The following ZBP1 variants were observed in gnomAD, a reference collection of about 807,000 sequenced individuals.
The protein encoded by ZBP1 is Z-DNA-binding protein 1.
A neutral mutation model predicts 41.1 loss-of-function variants in ZBP1; 42 were observed. The observed-to-expected ratio is 1.02, with a 90% CI of 0.80 to 1.32. The LOEUF (loss-of-function observed/expected upper bound fraction) is 1.32, where lower values mean the gene tolerates loss of function less well. ZBP1 is among the 40% of genes most tolerant of loss of function. The pLI, the probability that ZBP1 is intolerant of heterozygous loss-of-function variation, is 0.00. For missense variants in ZBP1, 562 were observed against 549.7 expected (o/e 1.02, Z -0.22); for synonymous variants, 214 against 205.2 (o/e 1.04, Z -0.37).
chr20:57,613,264 C>A lies in ZBP1; in HGVS notation c.569G>T (p.Cys190Phe), dbSNP rs2070725728. 1.2e-6 allele frequency: 2 copies of A among 1,614,252 alleles called. No homozygotes were observed. The highest frequency in any genetic ancestry group is 1.7e-6 in the Non-Finnish European group (2 of 1,180,050). The change falls in exon 5 of 8, where the codon TGC becomes TTC. Residue 190 changes from cysteine to phenylalanine, a missense_variant. By Grantham distance (205) the Cys-to-Phe change is radical. Coordinates refer to ENST00000371173, the MANE Select transcript of ZBP1 (RefSeq NM_030776.3). The surrounding 1 kb of genome is among the most constrained non-coding windows in gnomAD (Gnocchi z 4.5). ...IYQHNPINMI[C>F]QNGPNSWISI... ...AATCCAGCTGTTGGGTCCATTCTGG[C>A]AGATCATGTTGATTGGATTGTGCTG...
rs141295310 is a variant in ZBP1, at chr20:57,604,767, G to A, written c.1096C>T (p.Arg366Cys). 1.9e-5 allele frequency: 30 copies of A among 1,612,148 alleles called. No individual in the cohort carries two copies. The African/African-American group carries it at 2.8e-4, about 15-fold the overall frequency. ...CTGGATTGTGTGTCTGCGGGACGAC[G>A]ACCTAGGGAAGAGAAGATGGGGGAT... ...GEGEPGEDAG[R>C]RPADTQSRSH... is the part of the protein sequence containing the mutation. Residue 366 changes from arginine (R) to cysteine (C), a missense_variant and splice_region_variant, in exon 8 of 8, where the codon CGT (arginine) becomes TGT (cysteine). Coordinates refer to ENST00000371173, the MANE Select transcript of ZBP1 (RefSeq NM_030776.3).
intron 2 of ZBP1, 184 bp from the exon 3 acceptor site, chr20:57,615,764 G>A (rs2070807357): frequency 1.2e-5 from 7 of 569,066 alleles, no homozygotes; most frequent in Non-Finnish European, 1.8e-5. Context: ...GCTTCCTGCC[G>A]ATTAACTTCT....
In ZBP1 at chr20:57,610,069, G is replaced by A. The variant is rs545194955; in HGVS notation, c.1093+80C>T. The A allele has an allele frequency of 7.7e-5, 110 of 1,434,996 alleles. 1 individual carries two copies. The highest frequency in any genetic ancestry group is 6.6e-4 in the African/African-American group (47 of 71,078). The allele number at this position is 1,434,996 out of a possible 1,614,324, so 88.9% of individuals were successfully genotyped here. A position where few individuals can be genotyped will look rare whatever the true frequency, so the allele number is the denominator to read the frequency against. ...GGAAACCAGAGATTAGCGAATGATC[G>A]ATGAGAGTGAATGAATGAATGAGTG... On this transcript the variant is annotated intron_variant, in intron 7 of 7. Coordinates refer to ENST00000371173, the MANE Select transcript of ZBP1 (RefSeq NM_030776.3). The surrounding 1 kb of genome is among the most constrained non-coding windows in gnomAD (Gnocchi z 5.5).
At chr20:57,614,179 C>T (rs1198329110) in intron 4 of ZBP1, among the ~76,000 whole-genome samples, 7 of 151,996 alleles carry the variant, frequency 4.6e-5, no homozygotes, top group Admixed American at 3.9e-4. Flanking sequence ...GGATTACAGG[C>T]GCCCACCACC....
intron 7 of ZBP1, among the ~76,000 whole-genome samples, chr20:57,605,032 C>G (rs528159989): frequency 3.5e-4 from 53 of 152,250 alleles, no homozygotes; most frequent in Non-Finnish European, 6.5e-4. Context: ...CAGGGCTCTC[C>G]CAGTCCTCCC....
In ZBP1 at chr20:57,610,612, G is replaced by A. The variant is rs553145012; in HGVS notation, c.875-245C>T. The A allele has an allele frequency of 4.6e-5, 26 of 571,394 alleles. No homozygotes were observed. Among genetic ancestry groups the A allele is most frequent in the South Asian group, 1.2e-4 (6 of 48,748 alleles). 35.4% of individuals were successfully genotyped at this position (571,394 alleles called of 1,614,324 possible). A position where few individuals can be genotyped will look rare whatever the true frequency, so the allele number is the denominator to read the frequency against. On this transcript the variant is annotated intron_variant, in intron 6 of 7. Coordinates refer to ENST00000371173, the MANE Select transcript of ZBP1 (RefSeq NM_030776.3). The surrounding 1 kb of genome is among the most constrained non-coding windows in gnomAD (Gnocchi z 5.5). ...GCAGTGGGTCTGCCCCACTGATCCC[G>A]CCCGGCTGATCTGGACGTCAGTGTC...
At position 57,610,430 on chromosome 20, in the gene ZBP1, A is replaced by G; in HGVS notation, c.875-63T>C. On this transcript the variant is annotated intron_variant, in intron 6 of 7. Transcript: ENST00000371173. The surrounding 1 kb of genome is among the most constrained non-coding windows in gnomAD (Gnocchi z 5.5). ...AGCTGGACAGTGGCCGGGAACCCTG[A>G]CCCCCAGCCTGGTTCACCCTCCTCC... The G allele has an allele frequency of 6.5e-7, 1 of 1,546,186 alleles. No individual in the cohort carries two copies.
intron 1 of ZBP1, among the ~76,000 whole-genome samples, chr20:57,619,642 A>G (rs983237757): frequency 3.9e-5 from 6 of 152,106 alleles, no homozygotes; most frequent in Non-Finnish European, 1.5e-5. Context: ...GGGTGTTCAG[A>G]CGCTAACACC....
At chr20:57,606,503 G>T (rs908268434) in intron 7 of ZBP1, among the ~76,000 whole-genome samples, 1 of 152,254 alleles carries the variant, frequency 6.6e-6, no homozygotes, top group Non-Finnish European at 1.5e-5. Context: ...AACAGAGCAG[G>T]TTCTTAATGT....
rs564742584 is a variant in ZBP1 at position 57,613,608 on chromosome 20, G to A, written c.503-278C>T. On this transcript the variant is annotated intron_variant, in intron 4 of 7. Coordinates refer to ENST00000371173, the MANE Select transcript of ZBP1 (RefSeq NM_030776.3). The surrounding 1 kb of genome is among the most constrained non-coding windows in gnomAD (Gnocchi z 4.5). The stretch of plus-strand genomic sequence containing the variant: ...GCCATGATTGCTGGCTGGGAGGACC[G>A]CAGGGGCCCCACACTGCTCTCCCTA... Among the ~76,000 whole-genome samples the A allele has an allele frequency of 2.0e-5, 3 of 152,240 alleles. No individual in the cohort carries two copies. Among genetic ancestry groups the A allele is most frequent in the East Asian group, 1.9e-4 (1 of 5,182 alleles).
rs149651971 is a variant in ZBP1 at position 57,611,768 on chromosome 20, G to A, written c.833C>T (p.Pro278Leu). ...GGGGATGTGGGCAGGGCCCTCGGAC[G>A]GGACGCCGTGGAGCCTCATCTCATT... ...HSNEMRLHGV[P>L]SEGPAHIPPG... The change falls in exon 6 of 8, where the codon CCG (proline) becomes CTG (leucine). Residue 278 changes from proline (P) to leucine (L), a missense_variant. Pro to Leu is a moderately conservative substitution (Grantham distance 98). Transcript: ENST00000371173. 3.8e-5 allele frequency: 61 copies of A among 1,612,424 alleles called. No individual in the cohort carries two copies. Among genetic ancestry groups the A allele is most frequent in the Middle Eastern group, 3.4e-4 (2 of 5,930 alleles).
At position 57,604,349 on chromosome 20, in the gene ZBP1, A is replaced by G; in HGVS notation, c.*224T>C. 1.5e-6 allele frequency: 1 copy of G among 674,056 alleles called. No homozygotes were observed. The highest frequency in any genetic ancestry group is 1.5e-5 in the South Asian group (1 of 66,602). 41.8% of individuals were successfully genotyped at this position (674,056 alleles called of 1,614,324 possible). A position where few individuals can be genotyped will look rare whatever the true frequency, so the allele number is the denominator to read the frequency against. ...CTACCCACCTCCTCTTGGCACACCA[A>G]AGGTTCCCCAAGGCAACTCCCTGTC... is the stretch of plus-strand genomic sequence containing the variant. On this transcript the variant is annotated 3_prime_UTR_variant, in exon 8 of 8. Transcript: ENST00000371173.
rs137910485 is a variant in ZBP1, at chr20:57,613,967, C to T, written c.503-637G>A. 4.8e-3 allele frequency among the ~76,000 whole-genome samples: 731 copies of T among 152,324 alleles called. 6 individuals are homozygous for T. Among genetic ancestry groups the T allele is most frequent in the African/African-American group, 0.017 (702 of 41,570 alleles). ...GCTCCTGTGCCTTTGTGGGCCCTTC[C>T]CCCATACACAAATATTTAAATTACA... On this transcript the variant is annotated intron_variant, in intron 4 of 7. Coordinates refer to ENST00000371173, the MANE Select transcript of ZBP1 (RefSeq NM_030776.3). This position sits in a 1 kb window ranked among gnomAD's most constrained non-coding sequence, Gnocchi z 4.5.
In ZBP1 at chr20:57,613,192, A is replaced by G. The variant is rs1247475368; in HGVS notation, c.641T>C (p.Ile214Thr). The part of the protein sequence containing the change: ...EAIQIGHGNI[I>T]TRQTVSREDG... Reference sequence around the variant, plus strand: ...CTCCCTGGAGACTGTCTGTCTTGTAATGATGTTCCCGTGTCCAATCTGGAT... The same window carrying G: ...CTCCCTGGAGACTGTCTGTCTTGTAGTGATGTTCCCGTGTCCAATCTGGAT... Residue 214 changes from isoleucine (I) to threonine (T), a missense_variant, in exon 5 of 8, where the codon ATT becomes ACT. Transcript: ENST00000371173. This position sits in a 1 kb window ranked among gnomAD's most constrained non-coding sequence, Gnocchi z 4.5. The G allele has an allele frequency of 6.2e-7, 1 of 1,614,186 alleles. No homozygotes were observed. Among genetic ancestry groups the G allele is most frequent in the Non-Finnish European group, 8.5e-7 (1 of 1,180,044 alleles).
intron 1 of ZBP1, 104 bp downstream of exon 1, chr20:57,620,158 T>C: frequency 2.2e-6 from 3 of 1,368,228 alleles, no homozygotes; most frequent in Non-Finnish European, 3.1e-6. Context: ...TTTAGGATAC[T>C]GCTATTGTCA....
At chr20:57,618,227 C>T (rs1173994322) in intron 1 of ZBP1, 1 of 152,272 alleles carries the variant, frequency 6.6e-6, no homozygotes, top group Non-Finnish European at 1.5e-5. Flanking sequence ...CACCAGGAAG[C>T]TTCTGCTTCA....
At position 57,612,001 on chromosome 20, in the gene ZBP1, G is replaced by A. The variant is rs375848879; in HGVS notation, c.671-71C>T. 279 of 1,464,450 alleles carry A rather than the reference G, an allele frequency of 1.9e-4. 1 individual carries two copies. In the East Asian group the frequency reaches 4.3e-3, roughly 22 times the overall value. 90.7% of individuals were successfully genotyped at this position (1,464,450 alleles called of 1,614,324 possible). A position where few individuals can be genotyped will look rare whatever the true frequency, so the allele number is the denominator to read the frequency against. ...TTCTTCCTTTCCCTCACCACCACACGCAGGCCTGTCCTCTGAATTCTTCCT... is the reference window on the plus strand; with the variant it reads ...TTCTTCCTTTCCCTCACCACCACACACAGGCCTGTCCTCTGAATTCTTCCT... On this transcript the variant is annotated intron_variant, in intron 5 of 7. Coordinates refer to ENST00000371173, the MANE Select transcript of ZBP1 (RefSeq NM_030776.3).
At chr20:57,607,283 C>T in intron 7 of ZBP1, 1 of 1,299,930 alleles carries the variant, frequency 7.7e-7, no homozygotes, top group Non-Finnish European at 1.0e-6. Flanking sequence ...GGGTTCAAGA[C>T]TTCAGTGAAG....
At chr20:57,612,322 A>T (rs1451385859) in intron 5 of ZBP1, among the ~76,000 whole-genome samples, 1 of 152,202 alleles carries the variant, frequency 6.6e-6, no homozygotes, top group African/African-American at 2.4e-5. Context: ...GTTTTTCATG[A>T]TTTACACTTA....
Sources: allele counts gnomAD v4.1 joint callset (sites outside exome capture counted in the v4.1 genomes callset), GRCh38; gene constraint gnomAD v4.1.1; non-coding constraint Gnocchi (gnomAD v3.1); transcripts MANE v1.5; gene names NCBI Gene and HGNC (gene_info 2026-07-23, HGNC 2026-07-21).